HECTD4: variants seen among roughly 807,000 people sequenced by gnomAD.
The protein encoded by HECTD4 is HECT domain E3 ubiquitin protein ligase 4.
In HECTD4, 114 loss-of-function variants were observed where a neutral mutation model predicts 471.5. The ratio of observed to expected loss-of-function variants is 0.24; its 90% confidence interval spans 0.21 to 0.28. HECTD4 has a LOEUF of 0.28. Ranked by LOEUF, HECTD4 falls within the 10% of genes least tolerant of loss-of-function variation. The probability of loss-of-function intolerance (pLI) is 1.00; values close to 1 mark genes in which losing one functional copy is unlikely to be tolerated. For synonymous variants in HECTD4, 2,012 were observed against 2,256.0 expected, an observed-to-expected ratio of 0.89 and a Z score of 3.07; for missense variants, 3,866 against 5,651.5, an observed-to-expected ratio of 0.68 and a Z score of 10.13.
At position 112,243,727 on chromosome 12, in the gene HECTD4, A is replaced by T; in HGVS notation, c.4684T>A (p.Phe1562Ile). ...RHVTSHRSSS[F>I]TLLQSLAIED... ...ATGGCCAGCGACTGCAGGAGTGTAA[A>T]GGAGCTGCTGCGGTGGCTGGTCACG... The change falls in exon 31 of 76, where the codon TTT (phenylalanine) becomes ATT (isoleucine). Residue 1562 changes from phenylalanine to isoleucine, a missense_variant. Phe to Ile is a conservative substitution (Grantham distance 21). Transcript: ENST00000682272. This position sits in a 1 kb window ranked among gnomAD's most constrained non-coding sequence, Gnocchi z 6.6. The T allele has an allele frequency of 6.2e-7, 1 of 1,613,924 alleles. No homozygotes were observed. Among genetic ancestry groups the T allele is most frequent in the Non-Finnish European group, 8.5e-7 (1 of 1,179,812 alleles).
At chr12:112,251,206 C>A (rs953506300) in intron 23 of HECTD4, 72 bp from the exon 24 acceptor site, 1 of 1,458,888 alleles carries the variant, frequency 6.9e-7, no homozygotes, top group African/African-American at 1.4e-5. Flanking sequence ...TGCTGCCCCA[C>A]ACTGCACTGT....
Position 112,290,863 on chromosome 12 carries a change from C to CA in HECTD4, c.1336-7562dup, listed in dbSNP as rs1333873159. On this transcript the variant is annotated intron_variant, in intron 7 of 75. Transcript: ENST00000682272. ...AACTCCGTCTCAAAAAAAAACAAAA[C>CA]AAAAAAAAAAAACAAATCACAGATA... Among the ~76,000 whole-genome samples the CA allele has an allele frequency of 3.4e-3, 393 of 117,072 alleles. 7 individuals carry two copies. The highest frequency in any genetic ancestry group is 6.4e-3 in the South Asian group (24 of 3,750). The allele number at this position is 117,072 out of a possible 152,430, so 76.8% of individuals were successfully genotyped here.
In HECTD4 at chr12:112,308,890, C is replaced by T; in HGVS notation, c.1027G>A (p.Gly343Ser). 1.3e-6 allele frequency: 2 copies of T among 1,535,756 alleles called. No homozygotes were observed. Among genetic ancestry groups the T allele is most frequent in the Non-Finnish European group, 1.7e-6 (2 of 1,146,772 alleles). The change falls in exon 6 of 76, where the codon GGT (glycine) becomes AGT (serine). Residue 343 changes from glycine to serine, a missense_variant and splice_region_variant. Gly to Ser is a moderately conservative substitution (Grantham distance 56, BLOSUM62 0). Transcript: ENST00000682272. ...LGSGLHGTLRGFVYCRNEELE... is the reference protein window; with the variant it reads ...LGSGLHGTLRSFVYCRNEELE... ...TCCTCGTTCCGGCAGTACACAAAAC[C>T]TCTGTGGAATGAAATGGAGCACAGG...
In HECTD4 at chr12:112,243,377, G is replaced by A. The variant is rs762777236; in HGVS notation, c.4934C>T (p.Thr1645Met). The A allele has an allele frequency of 1.9e-6, 3 of 1,612,212 alleles. No homozygotes were observed. Among genetic ancestry groups the A allele is most frequent in the Admixed American group, 1.7e-5 (1 of 59,766 alleles). The change falls in exon 32 of 76, where the codon ACG becomes ATG. Residue 1645 changes from threonine (T) to methionine (M), a missense_variant. Transcript: ENST00000682272. The surrounding 1 kb of genome is among the most constrained non-coding windows in gnomAD (Gnocchi z 6.6). The part of the protein sequence containing the change: ...GGVTHLVGPV[T>M]MVLQGGPRIE... ...CCTGGGTCCTCCCTGAAGGACCATC[G>A]TCACTGGACCCACAAGATGCGTCAC... is the stretch of plus-strand genomic sequence containing the variant.
intron 14 of HECTD4, 106 bp from the exon 15 acceptor site, chr12:112,266,089 C>T: frequency 1.4e-6 from 1 of 728,092 alleles, no homozygotes; most frequent in South Asian, 1.8e-5. Context: ...AAGCTAGGGG[C>T]ACCAGACATA....
intron 72 of HECTD4, among the ~76,000 whole-genome samples, chr12:112,164,936 T>C (rs2030874540): frequency 1.3e-5 from 2 of 151,268 alleles, no homozygotes; most frequent in Admixed American, 1.3e-4. Flanking sequence ...TTTTCTTTTT[T>C]TTTTTTTTGA....
chr12:112,325,724 G>A (rs77468840), intron 1 of HECTD4, among the ~76,000 whole-genome samples: 15,763 of 151,932 alleles, frequency 0.1, 961 homozygotes, highest in East Asian at 0.23. Context: ...TAATGCTAAC[G>A]TTACCCTAAT....
intron 69 of HECTD4, chr12:112,169,990 G>A: frequency 1.9e-6 from 1 of 535,622 alleles, no homozygotes; most frequent in South Asian, 2.1e-5. Context: ...TCTATACGCT[G>A]TGGCAGAGAC....
intron 1 of HECTD4, among the ~76,000 whole-genome samples, chr12:112,337,894 A>G (rs1465053558): frequency 6.6e-6 from 1 of 152,248 alleles, no homozygotes; most frequent in Non-Finnish European, 1.5e-5. Flanking sequence ...TCCTGGTAGA[A>G]ATAGAAATTG....
intron 37 of HECTD4, among the ~76,000 whole-genome samples, chr12:112,233,911 TA>T (rs2033443335): frequency 1.3e-5 from 2 of 152,236 alleles, no homozygotes; most frequent in African/African-American, 4.8e-5. Context: ...AGACTTTATT[TA>T]CCCTCACCTT....
At chr12:112,370,336 G>A (rs191422327) in intron 1 of HECTD4, among the ~76,000 whole-genome samples, 25 of 152,314 alleles carry the variant, frequency 1.6e-4, no homozygotes, top group African/African-American at 6.0e-4. Flanking sequence ...CCAAAAATGT[G>A]AGAATAAATC....
At position 112,268,868 on chromosome 12, in the gene HECTD4, GTT is replaced by G. The variant is rs561805261; in HGVS notation, c.2321+834_2321+835del. Among the ~76,000 whole-genome samples the G allele has an allele frequency of 0.018, 1,181 of 65,620 alleles. 1 individual carries two copies. In the East Asian group the frequency reaches 0.33, roughly 19 times the overall value. The allele number at this position is 65,620 out of a possible 152,430, so 43.0% of individuals were successfully genotyped here. ...AAATTCTGCTCTCTTGTCTGAAAAG[GTT>G]TTTTTTTTTTTTTTTTTTTTTTGAG... On this transcript the variant is annotated intron_variant, in intron 13 of 75. Coordinates refer to ENST00000682272, the MANE Select transcript of HECTD4 (RefSeq NM_001388303.1).
Position 112,164,181 on chromosome 12 carries a change from C to T in HECTD4, c.12629G>A (p.Cys4210Tyr), listed in dbSNP as rs2030828072. The T allele has an allele frequency of 5.0e-6, 8 of 1,613,706 alleles. No individual in the cohort carries two copies. The highest frequency in any genetic ancestry group is 6.8e-6 in the Non-Finnish European group (8 of 1,179,858). Residue 4210 changes from cysteine (C) to tyrosine (Y), a missense_variant, in exon 73 of 76, where the codon TGC (cysteine) becomes TAC (tyrosine). This residue lies in a region of HECTD4 where 715 missense variants were observed against 1,087.6 expected (regional missense o/e 0.66). Transcript: ENST00000682272. ...CGTCATGGTCAGGTAGGTGAACCTG[C>T]AGCAGGGCTTGTTGGGGCTGTCAGG... The part of the protein sequence containing the change: ...ESPDSPNKPC[C>Y]RFTYLTMTGE...
intron 67 of HECTD4, among the ~76,000 whole-genome samples, chr12:112,172,007 G>T (rs912191918): frequency 1.3e-5 from 2 of 152,158 alleles, no homozygotes; most frequent in Admixed American, 1.3e-4. Flanking sequence ...GGGTTCAAGC[G>T]ATTCTCCTGC....
intron 49 of HECTD4, 60 bp from the exon 50 acceptor site, chr12:112,210,312 G>A: frequency 6.4e-7 from 1 of 1,554,946 alleles, no homozygotes; most frequent in East Asian, 2.3e-5. Context: ...ATTTCTGCAA[G>A]AGCCCAAGGC....
chr12:112,304,238 AT>A (rs760947859), intron 7 of HECTD4, among the ~76,000 whole-genome samples: 4,856 of 104,402 alleles, frequency 0.047, 94 homozygotes, highest in African/African-American at 0.12. Context: ...TAAAGACCTA[AT>A]TTTTTTTTTT....
intron 64 of HECTD4, among the ~76,000 whole-genome samples, chr12:112,177,300 C>T (rs939943855): frequency 2.6e-5 from 4 of 151,776 alleles, no homozygotes; most frequent in African/African-American, 7.3e-5. Context: ...TCTGTGTACT[C>T]GAGAGTCACA....
intron 44 of HECTD4, among the ~76,000 whole-genome samples, chr12:112,221,391 A>G (rs1251785840): frequency 1.3e-5 from 2 of 151,590 alleles, no homozygotes; most frequent in Non-Finnish European, 2.9e-5. Flanking sequence ...TGGGACTACA[A>G]GTATCTACCA....
chr12:112,328,870 T>C (rs1304830837), intron 1 of HECTD4, among the ~76,000 whole-genome samples: 1 of 152,242 alleles, frequency 6.6e-6, no homozygotes, highest in African/African-American at 2.4e-5. Context: ...AAAACTGGAA[T>C]GGACTCTGAC....
Sources: allele counts gnomAD v4.1 joint callset (sites outside exome capture counted in the v4.1 genomes callset), GRCh38; gene constraint gnomAD v4.1.1; regional missense constraint gnomAD v4.1.1; non-coding constraint Gnocchi (gnomAD v3.1); transcripts MANE v1.5; gene names NCBI Gene and HGNC (gene_info 2026-07-23, HGNC 2026-07-21).